RBFOX1: variants seen among roughly 807,000 people sequenced by gnomAD.
RBFOX1 encodes RNA binding fox-1 homolog 1, also known as RNA binding protein fox-1 homolog 1.
Under a neutral mutation model 57.7 loss-of-function variants are expected in RBFOX1, and 8 were observed. The observed-to-expected ratio is 0.14, with a 90% confidence interval of 0.08 to 0.25. The LOEUF (loss-of-function observed/expected upper bound fraction) is 0.25. Ranked by LOEUF, RBFOX1 falls within the 10% of genes least tolerant of loss-of-function variation. The pLI is 1.00. For missense variants in RBFOX1, 611 were observed against 548.5 expected, an observed-to-expected ratio of 1.11 and a Z score of -1.14; for synonymous variants, 326 against 222.4, an observed-to-expected ratio of 1.47 and a Z score of -4.15.
At chr16:7,528,141 G>A (rs1476580432) in intron 5 of RBFOX1, among the ~76,000 whole-genome samples, 1 of 152,200 alleles carries the variant, frequency 6.6e-6, no homozygotes, top group African/African-American at 2.4e-5. Context: ...GCTAAATGAG[G>A]AATGCTCAGG....
At chr16:7,104,724 C>T (rs1199435685) in intron 4 of RBFOX1, among the ~76,000 whole-genome samples, 3 of 152,120 alleles carry the variant, frequency 2.0e-5, no homozygotes, top group Non-Finnish European at 4.4e-5. Flanking sequence ...AACCAAGGAA[C>T]TCTAATGTTC....
chr16:7,067,250 G>T (rs1208766578), intron 4 of RBFOX1, among the ~76,000 whole-genome samples: 1 of 152,134 alleles, frequency 6.6e-6, no homozygotes, highest in African/African-American at 2.4e-5. Flanking sequence ...TTAGTTCAGA[G>T]TTGGTACTCA....
At chr16:5,521,202 A>G (rs2043999665) in intron 2 of RBFOX1, among the ~76,000 whole-genome samples, 1 of 152,098 alleles carries the variant, frequency 6.6e-6, no homozygotes, top group Non-Finnish European at 1.5e-5. Context: ...GAGCTGGTTG[A>G]CACAGAGGTT....
At chr16:6,010,135 G>A (rs1424126) in intron 4 of RBFOX1, among the ~76,000 whole-genome samples, 252 of 151,990 alleles carry the variant, frequency 1.7e-3, no homozygotes, top group Middle Eastern at 3.4e-3. Flanking sequence ...CCCACACCTC[G>A]TATCCCCAGG....
At chr16:5,686,626 A>C (rs908079115) in intron 3 of RBFOX1, among the ~76,000 whole-genome samples, 7 of 152,186 alleles carry the variant, frequency 4.6e-5, no homozygotes, top group Non-Finnish European at 5.9e-5. Flanking sequence ...CCTAGAGGCC[A>C]TATGAATTGA....
intron 4 of RBFOX1, among the ~76,000 whole-genome samples, chr16:7,210,833 T>A (rs572235889): frequency 2.6e-5 from 4 of 152,072 alleles, no homozygotes; most frequent in Non-Finnish European, 5.9e-5. Context: ...CAATGTACAG[T>A]ATGATGACTC....
intron 3 of RBFOX1, chr16:6,704,938 C>G (rs1204660720): frequency 6.6e-6 from 1 of 152,156 alleles, no homozygotes; most frequent in African/African-American, 2.4e-5. Context: ...ACGGATCGCA[C>G]TTATCCAAGT....
chr16:7,081,121 A>G (rs1227740070), intron 4 of RBFOX1, among the ~76,000 whole-genome samples: 3 of 151,904 alleles, frequency 2.0e-5, no homozygotes, highest in Admixed American at 6.6e-5. Context: ...TGCAACCTCC[A>G]CCTCCCAGGT....
rs1224240384 is a variant in RBFOX1 at position 6,040,491 on chromosome 16, A to G, written c.-127+20499A>G. On this transcript the variant is annotated intron_variant, in intron 1 of 15. Transcript: ENST00000550418. ...CTTTTGTGGCTGGTTTCTTTTGCTT[A>G]GCATCTTGTCCTCAGGGTTTATCTG... is the stretch of plus-strand genomic sequence containing the variant. Among the ~76,000 whole-genome samples, 4 of 152,348 alleles carry G rather than the reference A, an allele frequency of 2.6e-5. No homozygotes were observed. In the East Asian group the frequency reaches 7.7e-4, roughly 29 times the overall value.
chr16:7,413,868 C>G (rs2098454134), intron 4 of RBFOX1, among the ~76,000 whole-genome samples: 1 of 152,056 alleles, frequency 6.6e-6, no homozygotes, highest in Admixed American at 6.6e-5. Flanking sequence ...AGACTCATCA[C>G]TTTGGCTTTT....
intron 3 of RBFOX1, among the ~76,000 whole-genome samples, chr16:5,708,719 G>A (rs139368571): frequency 8.5e-5 from 13 of 152,206 alleles, no homozygotes; most frequent in Middle Eastern, 3.4e-3. Flanking sequence ...ATCTGGCACC[G>A]GCTTGGGCAA....
intron 3 of RBFOX1, among the ~76,000 whole-genome samples, chr16:6,673,377 C>T (rs1407150709): frequency 6.6e-6 from 1 of 152,146 alleles, no homozygotes; most frequent in Non-Finnish European, 1.5e-5. Flanking sequence ...CACCTGAGGT[C>T]AGGAGTTTGA....
chr16:5,633,242 C>T (rs537298348), intron 3 of RBFOX1, among the ~76,000 whole-genome samples: 7 of 152,104 alleles, frequency 4.6e-5, no homozygotes, highest in Non-Finnish European at 7.4e-5. Context: ...CAGCCAACAA[C>T]TCTTTTACAT....
At chr16:5,882,560 C>G (rs2057788482) in intron 4 of RBFOX1, among the ~76,000 whole-genome samples, 1 of 152,136 alleles carries the variant, frequency 6.6e-6, no homozygotes, top group East Asian at 1.9e-4. Flanking sequence ...TGAGCAGAGA[C>G]CTGGAGGGCT....
At chr16:5,550,482 G>A (rs1597486559) in intron 2 of RBFOX1, among the ~76,000 whole-genome samples, 1 of 152,160 alleles carries the variant, frequency 6.6e-6, no homozygotes, top group African/African-American at 2.4e-5. Flanking sequence ...GTAGGAAGGG[G>A]AGCCAGCTCT....
intron 4 of RBFOX1, among the ~76,000 whole-genome samples, chr16:7,498,024 A>G (rs2069276606): frequency 6.6e-6 from 1 of 152,218 alleles, no homozygotes; most frequent in East Asian, 1.9e-4. Context: ...CTTTAGACAG[A>G]TTCTCTGAGC....
intron 5 of RBFOX1, among the ~76,000 whole-genome samples, chr16:7,575,177 C>T (rs972162772): frequency 5.3e-5 from 8 of 152,088 alleles, no homozygotes; most frequent in Admixed American, 5.2e-4. Flanking sequence ...CTCTGTCACC[C>T]AGGCTGGAGT....
intron 2 of RBFOX1, among the ~76,000 whole-genome samples, chr16:6,341,994 A>T (rs764919155): frequency 2.0e-4 from 31 of 152,232 alleles, no homozygotes; most frequent in Non-Finnish European, 4.4e-4. Flanking sequence ...CTCCTTTGCA[A>T]TAAAACATAA....
At chr16:6,219,885 A>T (rs2152876184) in intron 1 of RBFOX1, among the ~76,000 whole-genome samples, 1 of 152,250 alleles carries the variant, frequency 6.6e-6, no homozygotes, top group South Asian at 2.1e-4. Flanking sequence ...TCAAAAAAAC[A>T]AACAAACAAA....
Sources: gnomAD v4.1 joint callset for allele counts (sites outside exome capture counted in the v4.1 genomes callset) on GRCh38, gnomAD v4.1.1 for gene constraint, MANE v1.5 for transcripts, NCBI Gene and HGNC (gene_info 2026-07-23, HGNC 2026-07-21) for gene names.